The following CFDP1 variants were observed in gnomAD, a reference collection of about 807,000 sequenced individuals.
CFDP1 encodes the protein chromatin remodeling protein CFDP1, also known as heterochromatin-stabilizing protein CFDP1.
In CFDP1, 31 loss-of-function variants were observed where a neutral mutation model predicts 40.1. The ratio of observed to expected loss-of-function variants is 0.77; its 90% confidence interval spans 0.58 to 1.04. The LOEUF (loss-of-function observed/expected upper bound fraction) is 1.04. Among genes scored for constraint, CFDP1 ranks in the 50% least tolerant of loss-of-function variants. The pLI is 0.00. For missense variants in CFDP1, 423 were observed against 343.4 expected (o/e 1.23, Z -1.83); for synonymous variants, 167 against 120.0 (o/e 1.39, Z -2.56).
rs1055197521 is a variant in CFDP1, at chr16:75,293,885, T to C, written c.*67A>G. On this transcript the variant is annotated 3_prime_UTR_variant, in exon 7 of 7. Transcript: ENST00000283882. ...AGATGATGAGAAACACTGTAAAACA[T>C]TTCACAGACGCACAAAAAGCTCACA... 7.5e-7 allele frequency: 1 copy of C among 1,337,414 alleles called. No individual in the cohort carries two copies. The highest frequency in any genetic ancestry group is 1.4e-5 in the African/African-American group (1 of 69,456). 82.8% of individuals were successfully genotyped at this position (1,337,414 alleles called of 1,614,324 possible). A position where few individuals can be genotyped will look rare whatever the true frequency, so the allele number is the denominator to read the frequency against.
At chr16:75,353,116 G>A (rs2078623833) in intron 5 of CFDP1, among the ~76,000 whole-genome samples, 1 of 152,104 alleles carries the variant, frequency 6.6e-6, no homozygotes, top group South Asian at 2.1e-4. Context: ...TTGAAAAAAA[G>A]ATGGAATAGA....
At chr16:75,429,821 T>C (rs750283035) in intron 1 of CFDP1, among the ~76,000 whole-genome samples, 1 of 152,184 alleles carries the variant, frequency 6.6e-6, no homozygotes, top group African/African-American at 2.4e-5. Flanking sequence ...ATTAGCAGTG[T>C]CGACGAAAAG....
At chr16:75,369,966 G>T (rs2078740023) in intron 5 of CFDP1, among the ~76,000 whole-genome samples, 2 of 151,976 alleles carry the variant, frequency 1.3e-5, no homozygotes, top group African/African-American at 4.8e-5. Flanking sequence ...TAGAGACAGG[G>T]TTTCACCATG....
intron 4 of CFDP1, among the ~76,000 whole-genome samples, chr16:75,396,848 C>A (rs949503281): frequency 2.6e-5 from 4 of 152,046 alleles, no homozygotes; most frequent in African/African-American, 4.8e-5. Context: ...TAAATGCAGT[C>A]TATTATGGCC....
chr16:75,309,842 A>AC (rs72329889), intron 5 of CFDP1, among the ~76,000 whole-genome samples: 1 of 151,038 alleles, frequency 6.6e-6, no homozygotes, highest in African/African-American at 2.4e-5. Context: ...AAAAAAAAAA[A>AC]AAACCAATCC....
chr16:75,365,597 G>C (rs1038826997), intron 5 of CFDP1, among the ~76,000 whole-genome samples: 10 of 152,160 alleles, frequency 6.6e-5, no homozygotes, highest in African/African-American at 2.2e-4. Flanking sequence ...AGTGCTTGTA[G>C]CACTAGCTAC....
chr16:75,376,405 G>A (rs1340440812), intron 5 of CFDP1, among the ~76,000 whole-genome samples: 1 of 152,142 alleles, frequency 6.6e-6, no homozygotes, highest in East Asian at 1.9e-4. Flanking sequence ...TTTATAAAAA[G>A]CAATGAACCA....
chr16:75,416,098 C>G (rs147507325), intron 1 of CFDP1, among the ~76,000 whole-genome samples: 1,877 of 152,104 alleles, frequency 0.012, 34 homozygotes, highest in African/African-American at 0.043. Context: ...GTGATCCAGC[C>G]GCCTTGGCCT....
At chr16:75,372,030 T>G (rs574239875) in intron 5 of CFDP1, among the ~76,000 whole-genome samples, 1 of 152,206 alleles carries the variant, frequency 6.6e-6, no homozygotes, top group Admixed American at 6.6e-5. Flanking sequence ...GAAGTAGGAA[T>G]TATGATCCCT....
At chr16:75,297,056 C>G (rs2151496744) in intron 6 of CFDP1, among the ~76,000 whole-genome samples, 1 of 152,010 alleles carries the variant, frequency 6.6e-6, no homozygotes, top group Middle Eastern at 3.4e-3. Context: ...TCTGGCAATC[C>G]AATGAAACTG....
Position 75,406,953 on chromosome 16 carries a change from G to A in CFDP1, c.530+4872C>T, listed in dbSNP as rs372177628. Among the ~76,000 whole-genome samples, 23 of 152,224 alleles carry A rather than the reference G, an allele frequency of 1.5e-4. 3 individuals are homozygous for A. Among genetic ancestry groups the A allele is most frequent in the Admixed American group, 6.5e-4 (10 of 15,288 alleles). Reference sequence around the variant, plus strand: ...GGAGAATCGCCTGAACCTGGGAGGCGGAGGTTGCAGTGAGCTGAGATCACG... The same window carrying A: ...GGAGAATCGCCTGAACCTGGGAGGCAGAGGTTGCAGTGAGCTGAGATCACG... On this transcript the variant is annotated intron_variant, in intron 4 of 6. Transcript: ENST00000283882.
At chr16:75,342,591 G>T (rs1189857591) in intron 5 of CFDP1, among the ~76,000 whole-genome samples, 1 of 152,136 alleles carries the variant, frequency 6.6e-6, no homozygotes, top group Non-Finnish European at 1.5e-5. Context: ...GTTCTGCCTG[G>T]CCCTGTACAT....
At chr16:75,406,067 C>G (rs1039702988) in intron 4 of CFDP1, among the ~76,000 whole-genome samples, 1 of 151,874 alleles carries the variant, frequency 6.6e-6, no homozygotes, top group African/African-American at 2.4e-5. Flanking sequence ...CACAGCAAGA[C>G]CCCATCTCTA....
At chr16:75,331,779 T>G (rs555900807) in intron 5 of CFDP1, among the ~76,000 whole-genome samples, 2 of 152,352 alleles carry the variant, frequency 1.3e-5, no homozygotes, top group East Asian at 3.9e-4. Context: ...TTTTACACTA[T>G]CAGGCTTGTA....
Position 75,305,185 on chromosome 16 carries a change from A to G in CFDP1, c.651-3T>C. On this transcript the variant is annotated splice_polypyrimidine_tract_variant and splice_region_variant and intron_variant, in intron 5 of 6. Coordinates refer to ENST00000283882, the MANE Select transcript of CFDP1 (RefSeq NM_006324.3). ...TCATGCCACTTGATCTTTTTAACCT[A>G]AGGAAAGAAAATATGAAAGATGTAG... The G allele has an allele frequency of 6.2e-7, 1 of 1,612,470 alleles. No individual in the cohort carries two copies. The highest frequency in any genetic ancestry group is 1.7e-4 in the Middle Eastern group (1 of 6,056).
chr16:75,346,380 G>A (rs1319332265), intron 5 of CFDP1, among the ~76,000 whole-genome samples: 1 of 151,896 alleles, frequency 6.6e-6, no homozygotes, highest in Admixed American at 6.6e-5. Flanking sequence ...TCAGGAGATC[G>A]AGACCATCCT....
intron 5 of CFDP1, among the ~76,000 whole-genome samples, chr16:75,382,019 G>A (rs1253939126): frequency 6.6e-6 from 1 of 152,008 alleles, no homozygotes; most frequent in East Asian, 1.9e-4. Flanking sequence ...AGGAGGCTGA[G>A]GTGGGAAGAT....
chr16:75,426,579 G>C (rs1218549830), intron 1 of CFDP1, among the ~76,000 whole-genome samples: 3 of 152,010 alleles, frequency 2.0e-5, no homozygotes, highest in African/African-American at 7.3e-5. Context: ...CAGAGGCTGA[G>C]GCAGGAAAAT....
chr16:75,348,112 A>G (rs1006471209), intron 5 of CFDP1, among the ~76,000 whole-genome samples: 4 of 152,154 alleles, frequency 2.6e-5, no homozygotes, highest in Admixed American at 6.6e-5. Flanking sequence ...CGCTGTACCA[A>G]TGTTAATTTC....
Sources: allele counts gnomAD v4.1 joint callset (sites outside exome capture counted in the v4.1 genomes callset), GRCh38; gene constraint gnomAD v4.1.1; transcripts MANE v1.5; gene names NCBI Gene and HGNC (gene_info 2026-07-23, HGNC 2026-07-21).